LAMA4: variants seen among roughly 807,000 people sequenced by gnomAD.
LAMA4 encodes the protein laminin subunit alpha 4.
A neutral mutation model predicts 207.1 loss-of-function variants in LAMA4; 127 were observed. The ratio of observed to expected loss-of-function variants is 0.61; its 90% confidence interval spans 0.53 to 0.71. LAMA4 has a LOEUF of 0.71. LAMA4 is among the 30% of genes least tolerant of loss of function. The pLI is 0.00. For synonymous variants in LAMA4, 761 were observed against 816.0 expected (o/e 0.93, Z 1.15); for missense variants, 2,093 against 2,246.5 (o/e 0.93, Z 1.38).
chr6:112,173,443 T>C (rs1554342617), intron 11 of LAMA4, among the ~76,000 whole-genome samples: 2 of 152,250 alleles, frequency 1.3e-5, no homozygotes, highest in Non-Finnish European at 2.9e-5. Context: ...CTTCCATCAC[T>C]GTAAGCAGAA....
intron 5 of LAMA4, among the ~76,000 whole-genome samples, chr6:112,195,980 A>ATATAT (rs10637634): frequency 0.59 from 89,095 of 151,196 alleles, 27,694 homozygotes; most frequent in African/African-American, 0.8. Flanking sequence ...ACACACTGCT[A>ATATAT]TATATATTTG....
At chr6:112,132,911 A>G in intron 27 of LAMA4, 21 bp from the exon 28 acceptor site, 1 of 1,611,526 alleles carries the variant, frequency 6.2e-7, no homozygotes, top group Non-Finnish European at 8.5e-7. Flanking sequence ...GAACAAGTGG[A>G]GATAGTGTTT....
chr6:112,241,681 C>G (rs1045287714), intron 2 of LAMA4, among the ~76,000 whole-genome samples: 2 of 152,164 alleles, frequency 1.3e-5, no homozygotes, highest in Admixed American at 1.3e-4. Flanking sequence ...ACTTGCAACA[C>G]AGCAAGTGCT....
intron 33 of LAMA4, among the ~76,000 whole-genome samples, chr6:112,119,643 T>G (rs1169080339): frequency 1.3e-5 from 2 of 152,234 alleles, no homozygotes; most frequent in African/African-American, 4.8e-5. Context: ...CATTTACCAC[T>G]TCAGGTATTA....
intron 17 of LAMA4, among the ~76,000 whole-genome samples, chr6:112,148,644 T>C (rs1780181078): frequency 6.6e-6 from 1 of 152,148 alleles, no homozygotes; most frequent in Non-Finnish European, 1.5e-5. Context: ...TATGAAAAAG[T>C]AGGCTTGTGG....
chr6:112,144,372 G>C (rs1392419140), intron 19 of LAMA4, among the ~76,000 whole-genome samples: 4 of 152,192 alleles, frequency 2.6e-5, no homozygotes, highest in Non-Finnish European at 5.9e-5. Flanking sequence ...TAGGACAGAT[G>C]GGATAGATTA....
In LAMA4 at chr6:112,253,044, A is replaced by G. The variant is rs1447075128; in HGVS notation, c.195+912T>C. ...CAATAATCCATGCATCAGTGATGTT[A>G]GAAATGGTGTCAATCCACATAACTG... is the stretch of plus-strand genomic sequence containing the variant. On this transcript the variant is annotated intron_variant, in intron 2 of 38. Coordinates refer to ENST00000230538, the MANE Select transcript of LAMA4 (RefSeq NM_001105206.3). Among the ~76,000 whole-genome samples the G allele has an allele frequency of 2.6e-5, 4 of 152,386 alleles. No homozygotes were observed. The East Asian group carries it at 7.7e-4, about 29-fold the overall frequency.
intron 3 of LAMA4, chr6:112,213,420 A>G (rs1017639351): frequency 3.9e-5 from 6 of 152,220 alleles, no homozygotes; most frequent in South Asian, 2.1e-4. Context: ...AGAGCCAGCC[A>G]TATCCACCAG....
At chr6:112,251,673 TGG>T (rs1417805353) in intron 2 of LAMA4, 1 of 152,270 alleles carries the variant, frequency 6.6e-6, no homozygotes, top group Non-Finnish European at 1.5e-5. Flanking sequence ...GTTTAAGGTC[TGG>T]TTACTGCTAT....
At position 112,120,443 on chromosome 6, in the gene LAMA4, C is replaced by T. The variant is rs781976795; in HGVS notation, c.4505G>A (p.Arg1502His). 2.1e-5 allele frequency: 34 copies of T among 1,613,810 alleles called. No homozygotes were observed. Among genetic ancestry groups the T allele is most frequent in the Admixed American group, 1.0e-4 (6 of 59,990 alleles). Residue 1502 changes from arginine (R) to histidine (H), a missense_variant, in exon 33 of 39, where the codon CGT becomes CAT. Around this residue, in one of 3 missense-constraint regions of LAMA4, gnomAD observed 383 missense variants for 437.8 expected, o/e 0.87. Transcript: ENST00000230538. ...ATAGAAGATCATGCCATGGGAGGAA[C>T]GAGTTCTCAGACGAATGGAAAACTG... Reference protein sequence around the residue: ...KSQFSIRLRTRSSHGMIFYVS... With the variant: ...KSQFSIRLRTHSSHGMIFYVS...
At chr6:112,187,396 G>T in intron 8 of LAMA4, 54 bp downstream of exon 8, 2 of 1,601,398 alleles carry the variant, frequency 1.2e-6, no homozygotes, top group Non-Finnish European at 8.6e-7. Flanking sequence ...TACTAGCTGC[G>T]GGCCTGTGAA....
intron 12 of LAMA4, among the ~76,000 whole-genome samples, chr6:112,167,385 G>A (rs555207196): frequency 6.6e-6 from 1 of 152,288 alleles, no homozygotes; most frequent in East Asian, 1.9e-4. Flanking sequence ...CTGGGTGACA[G>A]AGTAAGACTG....
At chr6:112,201,134 G>A (rs112946321) in intron 5 of LAMA4, among the ~76,000 whole-genome samples, 185 of 152,226 alleles carry the variant, frequency 1.2e-3, no homozygotes, top group African/African-American at 4.2e-3. Flanking sequence ...TTTTAGTATG[G>A]TATAAAGCTG....
chr6:112,160,522 A>C (rs1780992136), intron 13 of LAMA4, among the ~76,000 whole-genome samples: 1 of 152,196 alleles, frequency 6.6e-6, no homozygotes, highest in South Asian at 2.1e-4. Context: ...GCTTTGACAC[A>C]GTGCACTTTA....
intron 2 of LAMA4, among the ~76,000 whole-genome samples, chr6:112,239,360 A>AT (rs1411039609): frequency 6.7e-6 from 1 of 149,914 alleles, no homozygotes; most frequent in East Asian, 2.0e-4. Flanking sequence ...AGTCTGGAGT[A>AT]TTTTTTATGG....
At chr6:112,241,118 T>TATATATGA (rs1562101779) in intron 2 of LAMA4, among the ~76,000 whole-genome samples, 1 of 102,492 alleles carries the variant, frequency 9.8e-6, no homozygotes, top group African/African-American at 3.0e-5. Context: ...TATATATGAA[T>TATATATGA]ATATATATGA....
intron 2 of LAMA4, among the ~76,000 whole-genome samples, chr6:112,250,713 T>A (rs1554189619): frequency 1.3e-5 from 2 of 152,228 alleles, no homozygotes; most frequent in African/African-American, 4.8e-5. Flanking sequence ...GTGTGGCTTC[T>A]TTCCAGCCAC....
At chr6:112,201,498 A>T (rs1428201486) in intron 5 of LAMA4, 110 bp downstream of exon 5, 29 of 927,526 alleles carry the variant, frequency 3.1e-5, no homozygotes, top group Non-Finnish European at 5.0e-5. Flanking sequence ...AACCACTCTT[A>T]AGCATCTCCT....
chr6:112,219,417 G>A (rs1554359794), intron 2 of LAMA4: 1 of 152,112 alleles, frequency 6.6e-6, no homozygotes, highest in African/African-American at 2.4e-5. Context: ...AAGAGAGGAA[G>A]CCTTCCAATC....
Sources: allele counts gnomAD v4.1 joint callset (sites outside exome capture counted in the v4.1 genomes callset), GRCh38; gene constraint gnomAD v4.1.1; regional missense constraint gnomAD v4.1.1; transcripts MANE v1.5; gene names NCBI Gene and HGNC (gene_info 2026-07-23, HGNC 2026-07-21).